Variants in MUSK observed in about 807,000 individuals in gnomAD.
MUSK encodes muscle associated receptor tyrosine kinase.
In MUSK, 55 loss-of-function variants were observed where a neutral mutation model predicts 88.7. The observed-to-expected ratio is 0.62, with a 90% confidence interval of 0.50 to 0.78. The LOEUF is 0.78. Among genes scored for constraint, MUSK ranks in the 30% least tolerant of loss-of-function variants. The pLI, the probability that MUSK is intolerant of heterozygous loss-of-function variation, is 0.00. For synonymous variants in MUSK, 387 were observed against 391.9 expected (o/e 0.99, Z 0.15); for missense variants, 1,015 against 1,074.3 (o/e 0.94, Z 0.77).
intron 3 of MUSK, among the ~76,000 whole-genome samples, chr9:110,691,249 G>C (rs1045539626): frequency 6.6e-6 from 1 of 152,086 alleles, no homozygotes; most frequent in Non-Finnish European, 1.5e-5. Flanking sequence ...TTCAGCTTCA[G>C]TATGTCACTC....
chr9:110,750,575 T>A (rs1346194013), intron 7 of MUSK, among the ~76,000 whole-genome samples: 1 of 152,200 alleles, frequency 6.6e-6, no homozygotes, highest in Non-Finnish European at 1.5e-5. Flanking sequence ...CTGTCCCTAC[T>A]GTGGCCCTGT....
At chr9:110,777,864 G>A (rs749207094) in intron 11 of MUSK, among the ~76,000 whole-genome samples, 5 of 151,974 alleles carry the variant, frequency 3.3e-5, no homozygotes, top group Non-Finnish European at 7.4e-5. Context: ...TGAAATCTTC[G>A]ATACATGTAA....
At chr9:110,746,230 T>C (rs570790221) in intron 6 of MUSK, among the ~76,000 whole-genome samples, 26 of 152,176 alleles carry the variant, frequency 1.7e-4, no homozygotes, top group Non-Finnish European at 3.7e-4. Context: ...GTTTCCCTGA[T>C]ATAAGCAGCG....
intron 5 of MUSK, among the ~76,000 whole-genome samples, chr9:110,731,201 G>T (rs574126079): frequency 6.6e-6 from 1 of 152,198 alleles, no homozygotes; most frequent in African/African-American, 2.4e-5. Flanking sequence ...TATATAGATT[G>T]TATCAGTCAG....
intron 11 of MUSK, among the ~76,000 whole-genome samples, chr9:110,778,845 C>T (rs2766984): frequency 0.4 from 60,362 of 151,776 alleles, 12,475 homozygotes; most frequent in East Asian, 0.54. Context: ...GAATAAATTC[C>T]ACTACCTTTT....
intron 14 of MUSK, among the ~76,000 whole-genome samples, chr9:110,790,784 A>T (rs2077960560): frequency 6.6e-6 from 1 of 152,234 alleles, no homozygotes. Flanking sequence ...ACATAATATG[A>T]TTGGCAAGAA....
At position 110,767,674 on chromosome 9, in the gene MUSK, T is replaced by G. The variant is rs1005660549; in HGVS notation, c.921-146T>G. On this transcript the variant is annotated intron_variant, in intron 8 of 14. Coordinates refer to ENST00000374448, the MANE Select transcript of MUSK (RefSeq NM_005592.4). ...ATTGCAGCTGGAAATGAAGACAATATTCAAATGGAGCGTGTCAACCAATTT... is the reference window on the plus strand; with the variant it reads ...ATTGCAGCTGGAAATGAAGACAATAGTCAAATGGAGCGTGTCAACCAATTT... 25 of 844,552 alleles carry G rather than the reference T, an allele frequency of 3.0e-5. No homozygotes were observed. In the South Asian group the frequency reaches 3.6e-4, roughly 12 times the overall value. The allele number at this position is 844,552 out of a possible 1,614,324, so 52.3% of individuals were successfully genotyped here.
At chr9:110,700,677 G>C (rs896250734) in intron 5 of MUSK, among the ~76,000 whole-genome samples, 2 of 152,152 alleles carry the variant, frequency 1.3e-5, no homozygotes, top group African/African-American at 4.8e-5. Flanking sequence ...ACTGAGCTCA[G>C]AGAGAAGAAA....
In MUSK at chr9:110,775,970, C is replaced by G. The variant is rs1480128996; in HGVS notation, c.1360+7C>G. The G allele has an allele frequency of 6.2e-7, 1 of 1,602,804 alleles. No homozygotes were observed. The highest frequency in any genetic ancestry group is 2.2e-5 in the East Asian group (1 of 44,700). On this transcript the variant is annotated splice_region_variant and intron_variant, in intron 10 of 14. Coordinates refer to ENST00000374448, the MANE Select transcript of MUSK (RefSeq NM_005592.4). ...GCCAGACTGCCACATCTAGGTAACA[C>G]AGAGTTCTCCCAAGACTTTGGAGGT...
At chr9:110,784,768 T>C (rs1384652654) in intron 11 of MUSK, 47 bp from the exon 12 acceptor site, 4 of 1,477,422 alleles carry the variant, frequency 2.7e-6, no homozygotes, top group Admixed American at 2.1e-5. Flanking sequence ...AAAAAATTGC[T>C]TCTTAAAGGT....
At chr9:110,770,495 AATAAT>A (rs1588018447) in intron 9 of MUSK, among the ~76,000 whole-genome samples, 1 of 146,846 alleles carries the variant, frequency 6.8e-6, no homozygotes, top group African/African-American at 2.5e-5. Flanking sequence ...TATAGTTTAT[AATAAT>A]ATAATTATAT....
At position 110,687,215 on chromosome 9, in the gene MUSK, AC is replaced by A; in HGVS notation, c.306del (p.Asn102LysfsTer16). The A allele has an allele frequency of 6.2e-7, 1 of 1,613,918 alleles. No individual in the cohort carries two copies. The highest frequency in any genetic ancestry group is 8.5e-7 in the Non-Finnish European group (1 of 1,179,838). On this transcript the variant is annotated frameshift_variant, in exon 3 of 15. Coordinates refer to ENST00000374448, the MANE Select transcript of MUSK (RefSeq NM_005592.4). LOFTEE classifies it high-confidence loss of function. ...GATGGCATTTACTGCTGCACGGCCA[AC>A]AATGGTGTGGGAGGAGCTGTGGAGA... ...SDDGIYCCTA[N>X]NGVGGAVESC...
chr9:110,689,810 CTATA>C (rs1178058212), intron 3 of MUSK, among the ~76,000 whole-genome samples: 2 of 76,644 alleles, frequency 2.6e-5, no homozygotes, highest in Non-Finnish European at 4.5e-5. Context: ...TAATATATAA[CTATA>C]TATTTAAATA....
chr9:110,773,738 C>T (rs529270294), intron 9 of MUSK, among the ~76,000 whole-genome samples: 2 of 152,204 alleles, frequency 1.3e-5, no homozygotes, highest in African/African-American at 4.8e-5. Flanking sequence ...TAGTTCTCCT[C>T]ACTTGTGTTA....
At chr9:110,690,991 A>G (rs1055870528) in intron 3 of MUSK, among the ~76,000 whole-genome samples, 5 of 150,834 alleles carry the variant, frequency 3.3e-5, no homozygotes, top group Non-Finnish European at 7.4e-5. Context: ...CAGCCTCCCA[A>G]GTAGCTGAGA....
chr9:110,757,981 G>C (rs1372644506), intron 7 of MUSK, among the ~76,000 whole-genome samples: 1 of 152,054 alleles, frequency 6.6e-6, no homozygotes, highest in Non-Finnish European at 1.5e-5. Context: ...GTTTTGTTTT[G>C]AGACAGAGTC....
intron 14 of MUSK, among the ~76,000 whole-genome samples, chr9:110,797,790 T>C (rs2078033602): frequency 6.6e-6 from 1 of 152,206 alleles, no homozygotes; most frequent in Non-Finnish European, 1.5e-5. Context: ...AGTATACATT[T>C]AGTCATTAAA....
At chr9:110,714,777 C>A (rs1417259205) in intron 5 of MUSK, among the ~76,000 whole-genome samples, 1 of 152,092 alleles carries the variant, frequency 6.6e-6, no homozygotes, top group Non-Finnish European at 1.5e-5. Flanking sequence ...TTTTTTAAGT[C>A]AAATATAAAA....
chr9:110,777,440 AT>A (rs2131993741), intron 11 of MUSK, among the ~76,000 whole-genome samples: 1 of 152,278 alleles, frequency 6.6e-6, no homozygotes, highest in Admixed American at 6.5e-5. Flanking sequence ...ACTTAAAAGT[AT>A]TAAAAGCAAG....
Sources: gnomAD v4.1 joint callset for allele counts (sites outside exome capture counted in the v4.1 genomes callset) on GRCh38, gnomAD v4.1.1 for gene constraint, MANE v1.5 for transcripts, NCBI Gene and HGNC (gene_info 2026-07-23, HGNC 2026-07-21) for gene names.